MTMR9: variants seen among roughly 807,000 people sequenced by gnomAD.
The protein encoded by MTMR9 is myotubularin related protein 9, also known as myotubularin-related protein 9.
MTMR9 carries 39 observed loss-of-function variants against 69.5 expected under a neutral mutation model. The observed-to-expected ratio is 0.56, with a 90% CI of 0.43 to 0.73. MTMR9 has a LOEUF of 0.73. Ranked by LOEUF, MTMR9 falls within the 30% of genes least tolerant of loss-of-function variation. MTMR9 has a pLI of 0.00. For missense variants in MTMR9, 900 were observed against 671.2 expected, an observed-to-expected ratio of 1.34 and a Z score of -3.77; for synonymous variants, 354 against 240.8, an observed-to-expected ratio of 1.47 and a Z score of -4.35.
chr8:11,295,392 C>A, intron 2 of MTMR9, 90 bp downstream of exon 2: 1 of 813,492 alleles, frequency 1.2e-6, no homozygotes, highest in South Asian at 1.5e-5. Flanking sequence ...ATAATTTAGT[C>A]ATGTTCTCTG....
intron 4 of MTMR9, among the ~76,000 whole-genome samples, chr8:11,305,644 G>T (rs903818546): frequency 4.6e-5 from 7 of 152,186 alleles, no homozygotes; most frequent in Admixed American, 4.6e-4. Context: ...TTAGAAACAA[G>T]TAGTTAAATC....
chr8:11,330,779 C>G (rs1170730361), downstream of MTMR9: 1 of 428,112 alleles, frequency 2.3e-6, no homozygotes, highest in East Asian at 4.6e-5. Context: ...ACAAACACTG[C>G]GGAAGGCCGC....
the MTMR9 span, among the ~76,000 whole-genome samples, chr8:11,334,108 A>G: frequency 2.6e-5 from 4 of 152,312 alleles, no homozygotes; most frequent in African/African-American, 9.6e-5. Flanking sequence ...AGATGCTGGC[A>G]CCATGCTCTT....
chr8:11,288,636 G>A (rs1261667520), intron 1 of MTMR9, among the ~76,000 whole-genome samples: 2 of 152,156 alleles, frequency 1.3e-5, no homozygotes, highest in Non-Finnish European at 2.9e-5. Flanking sequence ...TGCAGGGCAG[G>A]GAACAGAGAG....
At chr8:11,290,764 T>G (rs1179617200) in intron 1 of MTMR9, among the ~76,000 whole-genome samples, 2 of 152,086 alleles carry the variant, frequency 1.3e-5, no homozygotes, top group East Asian at 3.8e-4. Flanking sequence ...CATAATCCAT[T>G]GGTTCATTAA....
chr8:11,312,145 A>C (rs1371957382), intron 6 of MTMR9, among the ~76,000 whole-genome samples: 1 of 151,978 alleles, frequency 6.6e-6, no homozygotes, highest in Non-Finnish European at 1.5e-5. Flanking sequence ...CCTGGGCTCA[A>C]ATGATTCTCC....
At chr8:11,305,309 C>G (rs370760297) in intron 4 of MTMR9, among the ~76,000 whole-genome samples, 2 of 152,196 alleles carry the variant, frequency 1.3e-5, no homozygotes, top group Admixed American at 1.3e-4. Context: ...CAGCAACATT[C>G]TTCTGGTAGA....
rs1800585438 is a variant in MTMR9 at position 11,319,707 on chromosome 8, A to C, written c.1355A>C (p.Gln452Pro). Reference sequence around the variant, plus strand: ...ATCAGATGTAAGTTGAAGCTACAGCAGAAGACGATGTCTTTGTGGTCCTGG... The same window carrying C: ...ATCAGATGTAAGTTGAAGCTACAGCCGAAGACGATGTCTTTGTGGTCCTGG... ...ESERCKLKLQ[Q>P]KTMSLWSWVN... Residue 452 changes from glutamine to proline, a missense_variant, in exon 9 of 10, where the codon CAG becomes CCG. Coordinates refer to ENST00000221086, the MANE Select transcript of MTMR9 (RefSeq NM_015458.4). 6.2e-6 allele frequency: 10 copies of C among 1,613,984 alleles called. No homozygotes were observed. The highest frequency in any genetic ancestry group is 8.5e-6 in the Non-Finnish European group (10 of 1,180,020).
Position 11,306,553 on chromosome 8 carries a change from T to G in MTMR9, c.809+146T>G, listed in dbSNP as rs1799948283. 4.3e-6 allele frequency: 3 copies of G among 699,942 alleles called. No homozygotes were observed. The Admixed American group carries it at 8.7e-5, about 20-fold the overall frequency. 43.4% of individuals were successfully genotyped at this position (699,942 alleles called of 1,614,324 possible). A position where few individuals can be genotyped will look rare whatever the true frequency, so the allele number is the denominator to read the frequency against. ...TGGGCTAGCCATCTTCTCATTTTTT[T>G]TTGGTCAGCTCTATTAAGGTTTGAT... is the stretch of plus-strand genomic sequence containing the variant. On this transcript the variant is annotated intron_variant, in intron 5 of 9. Coordinates refer to ENST00000221086, the MANE Select transcript of MTMR9 (RefSeq NM_015458.4).
At chr8:11,336,103 T>C in the MTMR9 span, among the ~76,000 whole-genome samples, 1 of 152,210 alleles carries the variant, frequency 6.6e-6, no homozygotes, top group Non-Finnish European at 1.5e-5. Context: ...AGAGGTACAA[T>C]GTAATCAACC....
chr8:11,310,176 A>T (rs1227810378), intron 6 of MTMR9, among the ~76,000 whole-genome samples: 1 of 152,190 alleles, frequency 6.6e-6, no homozygotes, highest in African/African-American at 2.4e-5. Flanking sequence ...CTGGATCTCA[A>T]GTTGAGAACA....
intron 4 of MTMR9, 122 bp downstream of exon 4, chr8:11,305,136 G>A: frequency 2.2e-6 from 2 of 922,774 alleles, no homozygotes; most frequent in South Asian, 3.5e-5. Flanking sequence ...TCCACCACAA[G>A]GGCTTCCTTC....
downstream of MTMR9, among the ~76,000 whole-genome samples, chr8:11,328,728 A>T (rs1585146358): frequency 6.6e-6 from 1 of 152,230 alleles, no homozygotes; most frequent in East Asian, 1.9e-4. Context: ...CAAAATAGTT[A>T]CTAGTTACAA....
chr8:11,295,269 G>A lies in MTMR9; in HGVS notation c.258G>A (p.Met86Ile). Residue 86 changes from methionine (M) to isoleucine (I), a missense_variant, in exon 2 of 10, where the codon ATG becomes ATA. Physicochemically the swap from Met to Ile is conservative, Grantham distance 10. Coordinates refer to ENST00000221086, the MANE Select transcript of MTMR9 (RefSeq NM_015458.4). ...FRIIQLDIPGMEECLNIASSI... is the reference protein window; with the variant it reads ...FRIIQLDIPGIEECLNIASSI... ...TTATTCAGTTGGATATTCCTGGAAT[G>A]GAGGAATGCTTGAATATAGCCAGTT... 1 of 1,608,848 alleles carries A rather than the reference G, an allele frequency of 6.2e-7. No individual in the cohort carries two copies. The highest frequency in any genetic ancestry group is 8.5e-7 in the Non-Finnish European group (1 of 1,175,750).
Position 11,323,108 on chromosome 8 carries a change from C to T in MTMR9, c.*320C>T, listed in dbSNP as rs1246343123. Reference sequence around the variant, plus strand: ...TTATCCAAAGCTTTTTCTCTGTGTCCACTCTCCAAACAGCATTCTAGAGCA... The same window carrying T: ...TTATCCAAAGCTTTTTCTCTGTGTCTACTCTCCAAACAGCATTCTAGAGCA... On this transcript the variant is annotated 3_prime_UTR_variant, in exon 10 of 10. Coordinates refer to ENST00000221086, the MANE Select transcript of MTMR9 (RefSeq NM_015458.4). The T allele has an allele frequency of 1.0e-5, 2 of 192,618 alleles. No homozygotes were observed. The highest frequency in any genetic ancestry group is 2.1e-5 in the Non-Finnish European group (2 of 95,034). 11.9% of individuals were successfully genotyped at this position (192,618 alleles called of 1,614,324 possible).
intron 8 of MTMR9, chr8:11,318,605 A>C (rs1800526044): frequency 6.6e-6 from 1 of 152,180 alleles, no homozygotes; most frequent in Admixed American, 6.5e-5. Context: ...ACTGTCTTTC[A>C]ATCTGTGTTA....
At chr8:11,335,109 G>C in the MTMR9 span, among the ~76,000 whole-genome samples, 1 of 152,196 alleles carries the variant, frequency 6.6e-6, no homozygotes, top group Non-Finnish European at 1.5e-5. Context: ...AAAGTATACA[G>C]ATTGGGAAGG....
Position 11,292,346 on chromosome 8 carries a change from T to G in MTMR9, c.183-2848T>G, listed in dbSNP as rs74787805. On this transcript the variant is annotated intron_variant, in intron 1 of 9. Coordinates refer to ENST00000221086, the MANE Select transcript of MTMR9 (RefSeq NM_015458.4). ...TTCTTTTCTCTTGGGTGGCAAGCCA[T>G]TTACTTGCCAGTGGAATGGCTGGAT... Among the ~76,000 whole-genome samples, 656 of 152,256 alleles carry G rather than the reference T, an allele frequency of 4.3e-3. 5 individuals are homozygous for G. Among genetic ancestry groups the G allele is most frequent in the African/African-American group, 0.015 (635 of 41,552 alleles).
chr8:11,287,579 C>T (rs570330779), intron 1 of MTMR9, among the ~76,000 whole-genome samples: 5 of 150,746 alleles, frequency 3.3e-5, no homozygotes, highest in South Asian at 2.1e-4. Context: ...CTGAGCTGTG[C>T]GGCTGCAGTG....
Sources: gnomAD v4.1 joint callset for allele counts (sites outside exome capture counted in the v4.1 genomes callset) on GRCh38, gnomAD v4.1.1 for gene constraint, MANE v1.5 for transcripts, NCBI Gene and HGNC (gene_info 2026-07-23, HGNC 2026-07-21) for gene names.